ELAVL2: variants seen among roughly 807,000 people sequenced by gnomAD.
The protein encoded by ELAVL2 is ELAV like RNA binding protein 2.
In ELAVL2, 4 loss-of-function variants were observed where a neutral mutation model predicts 34.6. The ratio of observed to expected loss-of-function variants is 0.12; its 90% confidence interval spans 0.06 to 0.26. ELAVL2 has a LOEUF of 0.26. Ranked by LOEUF, ELAVL2 falls within the 10% of genes least tolerant of loss-of-function variation. The probability of loss-of-function intolerance (pLI) is 1.00; values close to 1 mark genes in which losing one functional copy is unlikely to be tolerated. For synonymous variants in ELAVL2, 193 were observed against 154.8 expected, an observed-to-expected ratio of 1.25 and a Z score of -1.83; for missense variants, 432 against 442.8, an observed-to-expected ratio of 0.98 and a Z score of 0.22.
upstream of ELAVL2, among the ~76,000 whole-genome samples, chr9:23,827,099 G>A (rs557405627): frequency 6.6e-6 from 1 of 152,276 alleles, no homozygotes; most frequent in South Asian, 2.1e-4. Flanking sequence ...TCACTTCGAG[G>A]TGTCTAATGA....
At chr9:23,704,824 TC>T in intron 4 of ELAVL2, 93 bp downstream of exon 4, 1 of 1,515,864 alleles carries the variant, frequency 6.6e-7, no homozygotes, top group Admixed American at 1.9e-5. Flanking sequence ...TTTGATATGT[TC>T]TAGAAGCAAG....
chr9:23,758,365 T>A (rs1005090084), intron 2 of ELAVL2, among the ~76,000 whole-genome samples: 1 of 152,032 alleles, frequency 6.6e-6, no homozygotes, highest in African/African-American at 2.4e-5. Context: ...TTTTACTCAA[T>A]AGAAGTATTC....
At chr9:23,732,868 G>T (rs545709758) in intron 2 of ELAVL2, among the ~76,000 whole-genome samples, 184 of 152,196 alleles carry the variant, frequency 1.2e-3, no homozygotes, top group African/African-American at 4.2e-3. Flanking sequence ...ATTCATTAAT[G>T]ATGAAAGTGG....
At chr9:23,726,801 C>G (rs1168789662) in intron 3 of ELAVL2, among the ~76,000 whole-genome samples, 8 of 105,486 alleles carry the variant, frequency 7.6e-5, no homozygotes, top group Non-Finnish European at 1.5e-4. Context: ...ATAAAAATTC[C>G]ACATACTATT....
intron 1 of ELAVL2, among the ~76,000 whole-genome samples, chr9:23,819,204 G>T (rs775058225): frequency 6.6e-6 from 1 of 152,144 alleles, no homozygotes; most frequent in Non-Finnish European, 1.5e-5. Flanking sequence ...TTGATTCAAG[G>T]AATGATGGTA....
At chr9:23,720,763 A>G (rs1180509734) in intron 3 of ELAVL2, among the ~76,000 whole-genome samples, 1 of 152,196 alleles carries the variant, frequency 6.6e-6, no homozygotes, top group Non-Finnish European at 1.5e-5. Context: ...TAAGCACCAC[A>G]GACCTACCCA....
At chr9:23,698,017 G>T (rs905059792) in intron 5 of ELAVL2, among the ~76,000 whole-genome samples, 2 of 152,010 alleles carry the variant, frequency 1.3e-5, no homozygotes, top group African/African-American at 4.8e-5. Context: ...GATTGATACC[G>T]GTTTCTTCCA....
the ELAVL2 span, among the ~76,000 whole-genome samples, chr9:23,845,337 T>TACATAATC: frequency 2.0e-5 from 3 of 151,806 alleles, no homozygotes; most frequent in African/African-American, 7.2e-5. Flanking sequence ...ATGATTTTAG[T>TACATAATC]ACATAATCAT....
chr9:23,826,728 T>C (rs530492475), upstream of ELAVL2, among the ~76,000 whole-genome samples: 1 of 152,338 alleles, frequency 6.6e-6, no homozygotes, highest in East Asian at 1.9e-4. Context: ...TATTTCTTTA[T>C]AACATTTAAC....
upstream of ELAVL2, among the ~76,000 whole-genome samples, chr9:23,829,340 T>C (rs2065427788): frequency 6.6e-6 from 1 of 152,202 alleles, no homozygotes; most frequent in Non-Finnish European, 1.5e-5. Flanking sequence ...GGAAAATGTC[T>C]TTTAGGATAA....
At chr9:23,808,362 T>C (rs1022568236) in intron 1 of ELAVL2, among the ~76,000 whole-genome samples, 10 of 152,182 alleles carry the variant, frequency 6.6e-5, no homozygotes, top group South Asian at 2.1e-4. Flanking sequence ...TTCACTACTA[T>C]AGTCTTAATA....
chr9:23,751,846 T>G lies in ELAVL2; in HGVS notation c.229+10160A>C, dbSNP rs542309091. On this transcript the variant is annotated intron_variant, in intron 2 of 6. Coordinates refer to ENST00000397312, the MANE Select transcript of ELAVL2 (RefSeq NM_004432.5). The stretch of plus-strand genomic sequence containing the variant: ...ACACAATACCACATAGAGCAATAAT[T>G]CCACACTCCGGTGCTCTAGTTCATA... Among the ~76,000 whole-genome samples, 3 of 152,266 alleles carry G rather than the reference T, an allele frequency of 2.0e-5. No individual in the cohort carries two copies. In the South Asian group the frequency reaches 6.2e-4, roughly 32 times the overall value.
At chr9:23,841,169 G>A in the ELAVL2 span, among the ~76,000 whole-genome samples, 1 of 152,204 alleles carries the variant, frequency 6.6e-6, no homozygotes, top group African/African-American at 2.4e-5. Flanking sequence ...CAGTAGAGGT[G>A]GCAGCGTAAG....
chr9:23,748,155 T>TG (rs1406988485), intron 2 of ELAVL2, among the ~76,000 whole-genome samples: 1 of 115,834 alleles, frequency 8.6e-6, no homozygotes, highest in Admixed American at 1.0e-4. Context: ...GTTATATTGA[T>TG]GGGGGGCTTC....
intron 1 of ELAVL2, among the ~76,000 whole-genome samples, chr9:23,775,759 CAGT>C (rs2058085182): frequency 6.6e-6 from 1 of 152,196 alleles, no homozygotes; most frequent in Admixed American, 6.5e-5. Context: ...AACAAGCTCC[CAGT>C]AGTTCTTCCC....
At chr9:23,704,832 C>CAAGACTGCT (rs1440132636) in intron 4 of ELAVL2, 86 bp downstream of exon 4, 7 of 1,543,746 alleles carry the variant, frequency 4.5e-6, no homozygotes, top group Admixed American at 1.8e-5. Context: ...GTTCTAGAAG[C>CAAGACTGCT]AAGACTGCTA....
intron 1 of ELAVL2, among the ~76,000 whole-genome samples, chr9:23,797,911 A>G (rs996867269): frequency 1.9e-4 from 29 of 152,336 alleles, no homozygotes; most frequent in Admixed American, 7.8e-4. Context: ...TTGCGCAACA[A>G]GAGTGAAACT....
chr9:23,772,955 A>G (rs1389227690), intron 1 of ELAVL2, among the ~76,000 whole-genome samples: 1 of 152,106 alleles, frequency 6.6e-6, no homozygotes, highest in Non-Finnish European at 1.5e-5. Context: ...TGCTCCCCCA[A>G]AGACAGCTTT....
chr9:23,706,209 C>G (rs914283401), intron 3 of ELAVL2, among the ~76,000 whole-genome samples: 3 of 152,014 alleles, frequency 2.0e-5, no homozygotes, highest in Non-Finnish European at 4.4e-5. Context: ...TACGGTATAC[C>G]AAATCCCACA....
Sources: gnomAD v4.1 joint callset for allele counts (sites outside exome capture counted in the v4.1 genomes callset) on GRCh38, gnomAD v4.1.1 for gene constraint, MANE v1.5 for transcripts, NCBI Gene and HGNC (gene_info 2026-07-23, HGNC 2026-07-21) for gene names.